The following RALGAPA2 variants were observed in gnomAD, a reference collection of about 807,000 sequenced individuals.
The protein encoded by RALGAPA2 is ral GTPase-activating protein subunit alpha-2.
Under a neutral mutation model 230.4 loss-of-function variants are expected in RALGAPA2, and 139 were observed. That is an observed-to-expected ratio of 0.60 (90% CI 0.53 to 0.69). RALGAPA2 has a LOEUF of 0.69. RALGAPA2 is among the 30% of genes least tolerant of loss of function. The pLI is 0.00. For missense variants in RALGAPA2, 2,163 were observed against 2,276.0 expected, an observed-to-expected ratio of 0.95 and a Z score of 1.01; for synonymous variants, 847 against 837.8, an observed-to-expected ratio of 1.01 and a Z score of -0.19.
intron 1 of RALGAPA2, among the ~76,000 whole-genome samples, chr20:20,701,720 A>C (rs891610521): frequency 6.6e-6 from 1 of 151,780 alleles, no homozygotes; most frequent in Non-Finnish European, 1.5e-5. Context: ...ACAGAGCAGG[A>C]CTTCATCTCA....
chr20:20,441,391 G>C (rs989682978), intron 37 of RALGAPA2, among the ~76,000 whole-genome samples: 2 of 152,184 alleles, frequency 1.3e-5, no homozygotes, highest in Non-Finnish European at 2.9e-5. Context: ...GGTGAGTGTG[G>C]GTGGACCTGT....
Position 20,637,844 on chromosome 20 carries a change from CACAA to C in RALGAPA2, c.667-347_667-344del, listed in dbSNP as rs769861539. On this transcript the variant is annotated intron_variant, in intron 7 of 39. Transcript: ENST00000202677. ...TCCTTGTGCCTTTAAAACATTTAGT[CACAA>C]ACAATCAGGTGTTTTTTTCTAAACT... Among the ~76,000 whole-genome samples, 212 of 152,176 alleles carry C rather than the reference CACAA, an allele frequency of 1.4e-3. 1 individual carries two copies. Among genetic ancestry groups the C allele is most frequent in the Middle Eastern group, 3.4e-3 (1 of 292 alleles).
intron 37 of RALGAPA2, chr20:20,472,601 G>A: frequency 2.9e-6 from 1 of 339,478 alleles, no homozygotes; most frequent in Non-Finnish European, 5.1e-6. Context: ...ACAAACGTAT[G>A]TGAGTAAATT....
Position 20,511,246 on chromosome 20 carries a change from T to G in RALGAPA2, c.4928+8A>C. 1 of 1,572,458 alleles carries G rather than the reference T, an allele frequency of 6.4e-7. No individual in the cohort carries two copies. On this transcript the variant is annotated splice_region_variant and intron_variant, in intron 33 of 39. Transcript: ENST00000202677. ...AGGAAAAAAGTGGTTTGATATACTTTCACATACCACTGGCGGGAGTCCAAA... is the reference window on the plus strand; with the variant it reads ...AGGAAAAAAGTGGTTTGATATACTTGCACATACCACTGGCGGGAGTCCAAA...
chr20:20,499,454 C>T (rs1026480992), intron 35 of RALGAPA2, among the ~76,000 whole-genome samples: 8 of 152,054 alleles, frequency 5.3e-5, no homozygotes, highest in Non-Finnish European at 7.4e-5. Flanking sequence ...ATTTGCAAAG[C>T]AGAAACAATT....
At chr20:20,400,002 G>T (rs1307433135) in intron 38 of RALGAPA2, among the ~76,000 whole-genome samples, 1 of 152,220 alleles carries the variant, frequency 6.6e-6, no homozygotes, top group African/African-American at 2.4e-5. Flanking sequence ...ATGAGGGAGA[G>T]AAACAGTGGA....
At chr20:20,669,580 C>A (rs1414954949) in intron 3 of RALGAPA2, among the ~76,000 whole-genome samples, 1 of 152,196 alleles carries the variant, frequency 6.6e-6, no homozygotes, top group African/African-American at 2.4e-5. Context: ...ATTATTCAAA[C>A]TATCCAGTCC....
At position 20,392,979 on chromosome 20, in the gene RALGAPA2, CTT is replaced by C. The variant is rs1462692341; in HGVS notation, c.*308_*309del. 7 of 1,045,108 alleles carry C rather than the reference CTT, an allele frequency of 6.7e-6. No homozygotes were observed. The highest frequency in any genetic ancestry group is 8.9e-6 in the Non-Finnish European group (7 of 784,002). 64.7% of individuals were successfully genotyped at this position (1,045,108 alleles called of 1,614,324 possible). A position where few individuals can be genotyped will look rare whatever the true frequency, so the allele number is the denominator to read the frequency against. ...TGGGTTCATCTCTGGTTTTTGGTGA[CTT>C]TTTCTTTTCTTCTTTGGAAGTCCAA... is the stretch of plus-strand genomic sequence containing the variant. On this transcript the variant is annotated 3_prime_UTR_variant, in exon 40 of 40. Transcript: ENST00000202677.
chr20:20,577,325 A>T (rs1339771876), intron 20 of RALGAPA2, among the ~76,000 whole-genome samples: 2 of 152,202 alleles, frequency 1.3e-5, no homozygotes, highest in African/African-American at 4.8e-5. Flanking sequence ...ATGCTTATTA[A>T]ATTAGTGATG....
rs185469143 is a variant in RALGAPA2, at chr20:20,658,770, A to G, written c.271-5183T>C. ...ATGTGAAATGTAAGCTGGAGTCTAC[A>G]CAAGATGCTATAGTCTACTTTATAA... On this transcript the variant is annotated intron_variant, in intron 3 of 39. Transcript: ENST00000202677. Among the ~76,000 whole-genome samples, 818 of 152,352 alleles carry G rather than the reference A, an allele frequency of 5.4e-3. 6 individuals are homozygous for G. Among genetic ancestry groups the G allele is most frequent in the African/African-American group, 0.019 (779 of 41,580 alleles).
chr20:20,677,330 C>G (rs926782000), intron 2 of RALGAPA2, among the ~76,000 whole-genome samples: 1 of 152,094 alleles, frequency 6.6e-6, no homozygotes, highest in Non-Finnish European at 1.5e-5. Flanking sequence ...GGTTAGGAAG[C>G]AAGCCATATG....
At chr20:20,498,470 C>T (rs554764197) in intron 35 of RALGAPA2, among the ~76,000 whole-genome samples, 4 of 152,322 alleles carry the variant, frequency 2.6e-5, no homozygotes, top group South Asian at 4.1e-4. Flanking sequence ...CTGGTGACAC[C>T]GGTCATGGTA....
Position 20,536,655 on chromosome 20 carries a change from C to T in RALGAPA2, c.3414+1G>A. ...GAGATACAGTCAAATGCGTTATGTA[C>T]CTTGACATCTTCAGTTCCTGTAATG... On this transcript the variant is annotated splice_donor_variant, in intron 25 of 39. Transcript: ENST00000202677. LOFTEE classifies it high-confidence loss of function. The T allele has an allele frequency of 1.2e-6, 2 of 1,611,474 alleles. No individual in the cohort carries two copies. Among genetic ancestry groups the T allele is most frequent in the Non-Finnish European group, 1.7e-6 (2 of 1,178,100 alleles).
In RALGAPA2 at chr20:20,444,087, C is replaced by A. The variant is rs76102383; in HGVS notation, c.5495+28742G>T. Reference sequence around the variant, plus strand: ...TGCTGGGCATCAGTCAATATTGGAACCCCCATGTGATTATATGTGCAGCCA... The same window carrying A: ...TGCTGGGCATCAGTCAATATTGGAAACCCCATGTGATTATATGTGCAGCCA... On this transcript the variant is annotated intron_variant, in intron 37 of 39. Transcript: ENST00000202677. 8.5e-3 allele frequency among the ~76,000 whole-genome samples: 1,299 copies of A among 152,286 alleles called. 17 individuals carry two copies. The highest frequency in any genetic ancestry group is 0.03 in the African/African-American group (1,238 of 41,554).
intron 23 of RALGAPA2, among the ~76,000 whole-genome samples, chr20:20,550,617 T>G (rs1568568316): frequency 6.6e-6 from 1 of 152,180 alleles, no homozygotes; most frequent in African/African-American, 2.4e-5. Context: ...GGCCCTGCAC[T>G]CTGACGTGGT....
chr20:20,402,343 C>T (rs967043118), intron 38 of RALGAPA2, among the ~76,000 whole-genome samples: 1 of 152,246 alleles, frequency 6.6e-6, no homozygotes, highest in Admixed American at 6.5e-5. Flanking sequence ...GCTAGGGAGC[C>T]TTGCCTCCCA....
At chr20:20,476,681 A>T (rs981212074) in intron 36 of RALGAPA2, among the ~76,000 whole-genome samples, 5 of 130,386 alleles carry the variant, frequency 3.8e-5, no homozygotes, top group African/African-American at 1.1e-4. Context: ...CATAAAATAA[A>T]TAAATAAATA....
intron 37 of RALGAPA2, among the ~76,000 whole-genome samples, chr20:20,465,631 G>A (rs530901177): frequency 6.6e-6 from 1 of 152,298 alleles, no homozygotes; most frequent in Admixed American, 6.5e-5. Context: ...TGAAGGGATG[G>A]TCTTTTTTCT....
At chr20:20,562,396 G>T (rs904234922) in intron 23 of RALGAPA2, among the ~76,000 whole-genome samples, 1 of 152,068 alleles carries the variant, frequency 6.6e-6, no homozygotes, top group African/African-American at 2.4e-5. Flanking sequence ...ACTGATACAC[G>T]ATATCACACG....
Sources: allele counts gnomAD v4.1 joint callset (sites outside exome capture counted in the v4.1 genomes callset), GRCh38; gene constraint gnomAD v4.1.1; transcripts MANE v1.5; gene names NCBI Gene and HGNC (gene_info 2026-07-23, HGNC 2026-07-21).